The following ALPL variants were observed in gnomAD, a reference collection of about 807,000 sequenced individuals.
ALPL encodes alkaline phosphatase, biomineralization associated.
In ALPL, 42 loss-of-function variants were observed where a neutral mutation model predicts 51.3. That is an observed-to-expected ratio of 0.82 (90% CI 0.64 to 1.06). The LOEUF (loss-of-function observed/expected upper bound fraction) is 1.06, where lower values mean the gene tolerates loss of function less well. Ranked by LOEUF, ALPL falls within the 50% of genes least tolerant of loss-of-function variation. The pLI is 0.00. For missense variants in ALPL, 589 were observed against 709.4 expected, an observed-to-expected ratio of 0.83 and a Z score of 1.93; for synonymous variants, 279 against 296.4, an observed-to-expected ratio of 0.94 and a Z score of 0.60.
rs547792421 is a variant in ALPL at position 21,541,323 on chromosome 1, C to T, written c.-104-12655C>T. 2.2e-4 allele frequency among the ~76,000 whole-genome samples: 33 copies of T among 152,366 alleles called. No individual in the cohort carries two copies. In the South Asian group the frequency reaches 4.1e-3, roughly 19 times the overall value. On this transcript the variant is annotated intron_variant, in intron 1 of 11. Coordinates refer to ENST00000374840, the MANE Select transcript of ALPL (RefSeq NM_000478.6). ...GTGTATGAAGGCATCCTTACAACAA[C>T]GCAGTGGCTTCTATTAGGTGTGGAG...
intron 1 of ALPL, among the ~76,000 whole-genome samples, chr1:21,513,538 A>G (rs1643733009): frequency 6.6e-6 from 1 of 152,110 alleles, no homozygotes; most frequent in South Asian, 2.1e-4. Flanking sequence ...GTAAACCAAT[A>G]TATCTGAGGA....
In ALPL at chr1:21,575,670, G is replaced by T. The variant is rs1644717562; in HGVS notation, c.998-63G>T. On this transcript the variant is annotated intron_variant, in intron 9 of 11. Transcript: ENST00000374840. ...AGGTTAATCCAGCAGCAGTGTTGTG[G>T]GGCTGGGGAGCAGATCTTCCTCCCC... is the stretch of plus-strand genomic sequence containing the variant. 5.0e-6 allele frequency: 8 copies of T among 1,591,340 alleles called. No homozygotes were observed. In the Admixed American group the frequency reaches 1.2e-4, roughly 23 times the overall value.
chr1:21,552,365 G>A (rs1326167415), intron 1 of ALPL, among the ~76,000 whole-genome samples: 6 of 150,404 alleles, frequency 4.0e-5, no homozygotes, highest in African/African-American at 1.5e-4. Context: ...TGTAATCCCA[G>A]CCACTCGGGA....
intron 7 of ALPL, 90 bp downstream of exon 7, chr1:21,568,337 G>A: frequency 6.4e-7 from 1 of 1,567,878 alleles, no homozygotes; most frequent in Non-Finnish European, 8.7e-7. Flanking sequence ...GTTGTCCTCT[G>A]TAGAAAGGGC....
chr1:21,527,802 G>A (rs796537345), intron 1 of ALPL, among the ~76,000 whole-genome samples: 1 of 151,834 alleles, frequency 6.6e-6, no homozygotes, highest in Non-Finnish European at 1.5e-5. Flanking sequence ...CGTCCACCTC[G>A]GCCTCCCAAA....
chr1:21,527,932 G>A (rs192787550), intron 1 of ALPL, among the ~76,000 whole-genome samples: 23 of 151,758 alleles, frequency 1.5e-4, no homozygotes, highest in African/African-American at 4.4e-4. Context: ...TGGTCAATTC[G>A]ACATTTATTC....
chr1:21,535,887 G>A (rs1644100083), intron 1 of ALPL, among the ~76,000 whole-genome samples: 1 of 152,198 alleles, frequency 6.6e-6, no homozygotes, highest in Non-Finnish European at 1.5e-5. Flanking sequence ...TTAGCAGAGG[G>A]ACCTAGGGCA....
chr1:21,561,525 G>T (rs940023125), intron 4 of ALPL, among the ~76,000 whole-genome samples: 1 of 152,122 alleles, frequency 6.6e-6, no homozygotes, highest in Non-Finnish European at 1.5e-5. Flanking sequence ...GAGTAGCTGG[G>T]ACTACAGGTG....
At chr1:21,558,876 G>A (rs984603845) in intron 2 of ALPL, among the ~76,000 whole-genome samples, 3 of 152,338 alleles carry the variant, frequency 2.0e-5, no homozygotes, top group Non-Finnish European at 2.9e-5. Flanking sequence ...ACGGCGACGC[G>A]TGAGTTTCCG....
chr1:21,563,041 G>T (rs1340435367), intron 4 of ALPL, 69 bp from the exon 5 acceptor site: 2 of 1,588,584 alleles, frequency 1.3e-6, no homozygotes, highest in Non-Finnish European at 1.7e-6. Context: ...CATGGTGTGA[G>T]TGTAGGCGGG....
chr1:21,541,524 G>A (rs1346150613), intron 1 of ALPL, among the ~76,000 whole-genome samples: 1 of 152,256 alleles, frequency 6.6e-6, no homozygotes, highest in Non-Finnish European at 1.5e-5. Context: ...CCCGGCCTGT[G>A]CCGGCCTCTG....
At chr1:21,567,769 TA>T (rs1644587147) in intron 6 of ALPL, among the ~76,000 whole-genome samples, 1 of 152,220 alleles carries the variant, frequency 6.6e-6, no homozygotes, top group Non-Finnish European at 1.5e-5. Flanking sequence ...GAATGTATCT[TA>T]AATGCTTAGT....
intron 1 of ALPL, among the ~76,000 whole-genome samples, chr1:21,536,642 CAG>C (rs1243012044): frequency 3.9e-5 from 6 of 152,124 alleles, no homozygotes; most frequent in African/African-American, 1.4e-4. Context: ...ACCCAGCAAG[CAG>C]ACAGAGTCTT....
chr1:21,551,839 C>T (rs1644328546), intron 1 of ALPL, among the ~76,000 whole-genome samples: 1 of 150,458 alleles, frequency 6.6e-6, no homozygotes, highest in Admixed American at 6.7e-5. Context: ...CATTCTCCTG[C>T]CTCAGCCTCC....
intron 2 of ALPL, among the ~76,000 whole-genome samples, chr1:21,556,190 G>T (rs1161116534): frequency 1.3e-5 from 2 of 152,144 alleles, no homozygotes; most frequent in African/African-American, 4.8e-5. Context: ...TGATTTCTTG[G>T]TTTACAATTC....
rs754946593 is a variant in ALPL, at chr1:21,561,990, C to G, written c.297+778C>G. On this transcript the variant is annotated intron_variant, in intron 4 of 11. Coordinates refer to ENST00000374840, the MANE Select transcript of ALPL (RefSeq NM_000478.6). The stretch of plus-strand genomic sequence containing the variant: ...CCTGTATACACTTTTGCATGAAGTT[C>G]CAGTTCATTCATTCTTTCCCGAGGC... Among the ~76,000 whole-genome samples, 70 of 152,124 alleles carry G rather than the reference C, an allele frequency of 4.6e-4. 1 individual carries two copies. The highest frequency in any genetic ancestry group is 4.1e-4 in the South Asian group (2 of 4,830).
rs1374895279 is a variant in ALPL at position 21,564,612 on chromosome 1, G to A, written c.648+396G>A. Among the ~76,000 whole-genome samples the A allele has an allele frequency of 6.6e-6, 1 of 152,194 alleles. No individual in the cohort carries two copies. Among genetic ancestry groups the A allele is most frequent in the Non-Finnish European group, 1.5e-5 (1 of 68,030 alleles). On this transcript the variant is annotated intron_variant, in intron 6 of 11. Coordinates refer to ENST00000374840, the MANE Select transcript of ALPL (RefSeq NM_000478.6). The surrounding 1 kb of genome is among the most constrained non-coding windows in gnomAD (Gnocchi z 5.8). ...GTACACTCAACCACCAGCATGCCCG[G>A]CAAAGAGCTGGTGTGTACAGTGGTT...
At chr1:21,527,333 T>C (rs1374742802) in intron 1 of ALPL, among the ~76,000 whole-genome samples, 3 of 151,902 alleles carry the variant, frequency 2.0e-5, no homozygotes, top group African/African-American at 7.3e-5. Context: ...CGCCCGGCCC[T>C]TCTTGTTCTT....
chr1:21,535,194 C>T (rs969456407), intron 1 of ALPL, among the ~76,000 whole-genome samples: 23 of 152,224 alleles, frequency 1.5e-4, no homozygotes, highest in African/African-American at 3.9e-4. Context: ...ATAGGGCAGA[C>T]GCCTGAGAAA....
Sources: allele counts gnomAD v4.1 joint callset (sites outside exome capture counted in the v4.1 genomes callset), GRCh38; gene constraint gnomAD v4.1.1; non-coding constraint Gnocchi (gnomAD v3.1); transcripts MANE v1.5; gene names NCBI Gene and HGNC (gene_info 2026-07-23, HGNC 2026-07-21).